ERBB4: variants seen among roughly 807,000 people sequenced by gnomAD.
The protein encoded by ERBB4 is receptor tyrosine-protein kinase erbB-4.
Under a neutral mutation model 158.0 loss-of-function variants are expected in ERBB4, and 42 were observed. That is an observed-to-expected ratio of 0.27 (90% CI 0.21 to 0.34). The LOEUF (loss-of-function observed/expected upper bound fraction) is 0.34. ERBB4 is among the 10% of genes least tolerant of loss of function. The pLI, the probability that ERBB4 is intolerant of heterozygous loss-of-function variation, is 1.00. For synonymous variants in ERBB4, 583 were observed against 558.7 expected, an observed-to-expected ratio of 1.04 and a Z score of -0.61; for missense variants, 1,333 against 1,624.1, an observed-to-expected ratio of 0.82 and a Z score of 3.08.
intron 2 of ERBB4, among the ~76,000 whole-genome samples, chr2:211,980,885 C>G (rs775791890): frequency 6.6e-6 from 1 of 151,938 alleles, no homozygotes; most frequent in Non-Finnish European, 1.5e-5. Flanking sequence ...TTTGAATTTT[C>G]GCCCCTTTCT....
intron 1 of ERBB4, among the ~76,000 whole-genome samples, chr2:212,484,467 T>C (rs1364176844): frequency 6.6e-6 from 1 of 152,254 alleles, no homozygotes; most frequent in East Asian, 1.9e-4. Context: ...GGTTACTCTT[T>C]AAATGAAAGG....
chr2:211,428,362 G>T, intron 22 of ERBB4, 46 bp downstream of exon 22: 1 of 1,002,466 alleles, frequency 1.0e-6, no homozygotes, highest in Non-Finnish European at 1.6e-6. Flanking sequence ...CTTAACATAT[G>T]TATTTTTGCT....
chr2:211,622,852 A>G (rs1203031198), intron 18 of ERBB4, among the ~76,000 whole-genome samples: 7 of 147,246 alleles, frequency 4.8e-5, no homozygotes, highest in Non-Finnish European at 1.5e-5. Context: ...AATCCCAGCT[A>G]CTGGGGAGGT....
chr2:211,571,309 C>T (rs961174805), intron 19 of ERBB4, among the ~76,000 whole-genome samples: 2 of 151,884 alleles, frequency 1.3e-5, no homozygotes, highest in Non-Finnish European at 2.9e-5. Flanking sequence ...AAATATTTTC[C>T]AACATTAAGA....
chr2:212,099,787 TTCTC>T (rs150394355), intron 2 of ERBB4, among the ~76,000 whole-genome samples: 1 of 150,818 alleles, frequency 6.6e-6, no homozygotes, highest in South Asian at 2.1e-4. Flanking sequence ...ATTTGTAAAG[TTCTC>T]TCTCTCTCCC....
intron 2 of ERBB4, among the ~76,000 whole-genome samples, chr2:212,123,052 T>C (rs1287442295): frequency 6.6e-6 from 1 of 152,238 alleles, no homozygotes; most frequent in Non-Finnish European, 1.5e-5. Flanking sequence ...TCTTGTCATA[T>C]GTTCTAGGAT....
intron 2 of ERBB4, among the ~76,000 whole-genome samples, chr2:212,078,806 T>C (rs567190849): frequency 1.0e-3 from 152 of 151,404 alleles, no homozygotes; most frequent in African/African-American, 3.4e-3. Flanking sequence ...TGAAAAGTAA[T>C]TAATACTATT....
chr2:211,742,526 A>G (rs2074831952), intron 5 of ERBB4, among the ~76,000 whole-genome samples: 1 of 152,176 alleles, frequency 6.6e-6, no homozygotes, highest in South Asian at 2.1e-4. Flanking sequence ...GAATAAATAA[A>G]AGGACATGTA....
At chr2:212,108,811 G>A (rs1319965376) in intron 2 of ERBB4, among the ~76,000 whole-genome samples, 3 of 139,720 alleles carry the variant, frequency 2.1e-5, no homozygotes, top group Non-Finnish European at 4.5e-5. Context: ...GAGTCACAAA[G>A]AATAAAAAGA....
chr2:211,544,622 A>G (rs978187162), intron 20 of ERBB4, among the ~76,000 whole-genome samples: 7 of 152,048 alleles, frequency 4.6e-5, no homozygotes, highest in African/African-American at 1.7e-4. Flanking sequence ...AGAAAATAAT[A>G]ATGATAGCAA....
chr2:212,070,552 A>G (rs535426041), intron 2 of ERBB4, among the ~76,000 whole-genome samples: 47 of 152,068 alleles, frequency 3.1e-4, no homozygotes, highest in Non-Finnish European at 6.2e-4. Context: ...TATTTGGTCA[A>G]TTGACTTTTG....
intron 1 of ERBB4, among the ~76,000 whole-genome samples, chr2:212,427,732 G>C (rs2091944360): frequency 6.6e-6 from 1 of 152,128 alleles, no homozygotes; most frequent in Non-Finnish European, 1.5e-5. Context: ...AATTTATTCA[G>C]TATACCTGAA....
chr2:212,059,362 T>C (rs1374520527), intron 2 of ERBB4, among the ~76,000 whole-genome samples: 2 of 152,122 alleles, frequency 1.3e-5, no homozygotes, highest in East Asian at 1.9e-4. Context: ...AATGGCCATA[T>C]TGCCCAAGGT....
chr2:212,286,761 G>A (rs1442074600), intron 1 of ERBB4, among the ~76,000 whole-genome samples: 2 of 16,674 alleles, frequency 1.2e-4, no homozygotes, highest in Non-Finnish European at 1.8e-4. Context: ...GGCACCATGA[G>A]GGTTAATTTT....
chr2:211,565,031 G>T (rs2067507316), intron 19 of ERBB4, among the ~76,000 whole-genome samples: 1 of 152,164 alleles, frequency 6.6e-6, no homozygotes, highest in South Asian at 2.1e-4. Flanking sequence ...ACTCAGAAAG[G>T]TGAGGAGCTA....
At chr2:212,124,658 G>C in intron 2 of ERBB4, 94 bp downstream of exon 2, 1 of 1,396,030 alleles carries the variant, frequency 7.2e-7, no homozygotes, top group Non-Finnish European at 1.0e-6. Flanking sequence ...AGGCAGAAGA[G>C]CACCCCTTCC....
At position 212,480,312 on chromosome 2, in the gene ERBB4, G is replaced by A. The variant is rs61169393; in HGVS notation, c.82+58137C>T. Among the ~76,000 whole-genome samples, 1,026 of 152,142 alleles carry A rather than the reference G, an allele frequency of 6.7e-3. 8 individuals are homozygous for A. The highest frequency in any genetic ancestry group is 0.022 in the African/African-American group (923 of 41,516). On this transcript the variant is annotated intron_variant, in intron 1 of 27. Transcript: ENST00000342788. ...ACTGGAAAGAAACAGTATGTAAAAA[G>A]CTTGGCACATTGAAAAAACCAAAAA...
At chr2:211,852,232 C>A (rs902998221) in intron 3 of ERBB4, among the ~76,000 whole-genome samples, 2 of 151,776 alleles carry the variant, frequency 1.3e-5, no homozygotes, top group African/African-American at 4.8e-5. Context: ...CATGGAAAAG[C>A]TCTCTGACTT....
chr2:211,492,063 A>C (rs1574599080), intron 20 of ERBB4, among the ~76,000 whole-genome samples: 2 of 136,508 alleles, frequency 1.5e-5, no homozygotes, highest in Middle Eastern at 3.7e-3. Context: ...GTGCAAACTC[A>C]CCTTAAGAAA....
Sources: allele counts gnomAD v4.1 joint callset (sites outside exome capture counted in the v4.1 genomes callset), GRCh38; gene constraint gnomAD v4.1.1; transcripts MANE v1.5; gene names NCBI Gene and HGNC (gene_info 2026-07-23, HGNC 2026-07-21).